RNF115: variants seen among roughly 807,000 people sequenced by gnomAD.
The protein encoded by RNF115 is E3 ubiquitin-protein ligase RNF115.
A neutral mutation model predicts 39.2 loss-of-function variants in RNF115; 31 were observed. The ratio of observed to expected loss-of-function variants is 0.79; its 90% CI spans 0.59 to 1.07. The LOEUF (loss-of-function observed/expected upper bound fraction) is 1.07. RNF115 is among the 50% of genes least tolerant of loss of function. RNF115 has a pLI of 0.00. For missense variants in RNF115, 384 were observed against 381.7 expected, an observed-to-expected ratio of 1.01 and a Z score of -0.05; for synonymous variants, 124 against 131.0, an observed-to-expected ratio of 0.95 and a Z score of 0.37.
intron 4 of RNF115, among the ~76,000 whole-genome samples, chr1:145,766,969 G>A (rs28404541): frequency 7.2e-6 from 1 of 138,374 alleles, no homozygotes; most frequent in Non-Finnish European, 1.5e-5. Flanking sequence ...CCTCCCGGTC[G>A]GGGTGGCTGG....
intron 4 of RNF115, among the ~76,000 whole-genome samples, chr1:145,756,831 CTTTTTTTTTTT>C (rs142073195): frequency 1.5e-5 from 1 of 67,872 alleles, no homozygotes; most frequent in Non-Finnish European, 2.6e-5. Context: ...TTTCTAGCTT[CTTTTTTTTTTT>C]TTTTTTTTTT....
At chr1:145,756,539 G>C (rs954015283) in intron 4 of RNF115, among the ~76,000 whole-genome samples, 4 of 151,736 alleles carry the variant, frequency 2.6e-5, no homozygotes, top group Admixed American at 2.6e-4. Flanking sequence ...ATCGGACTAA[G>C]AAGCTTAAGG....
At chr1:145,819,783 A>G (rs1570702862) in intron 1 of RNF115, among the ~76,000 whole-genome samples, 2 of 152,240 alleles carry the variant, frequency 1.3e-5, no homozygotes, top group Non-Finnish European at 2.9e-5. Flanking sequence ...CACACCTGTA[A>G]TCTCAGCACT....
chr1:145,768,108 T>C (rs1443365764), intron 4 of RNF115, among the ~76,000 whole-genome samples: 1 of 152,206 alleles, frequency 6.6e-6, no homozygotes, highest in Non-Finnish European at 1.5e-5. Flanking sequence ...TGAGTGAAGG[T>C]CAGAGCCTAG....
Position 145,742,647 on chromosome 1 carries a change from T to C in RNF115, c.*4219A>G, listed in dbSNP as rs1481944123. The C allele has an allele frequency of 3.3e-5, 5 of 152,238 alleles. No individual in the cohort carries two copies. The highest frequency in any genetic ancestry group is 1.2e-4 in the African/African-American group (5 of 41,456). 9.4% of individuals were successfully genotyped at this position (152,238 alleles called of 1,614,324 possible). ...GCACACCATATCCCTTCTTCCTCCA[T>C]TGTGAAATGTGCATACACGTGTTTG... On this transcript the variant is annotated 3_prime_UTR_variant, in exon 9 of 9. Transcript: ENST00000582693.
At chr1:145,786,069 C>T (rs1648366470) in intron 2 of RNF115, among the ~76,000 whole-genome samples, 1 of 152,174 alleles carries the variant, frequency 6.6e-6, no homozygotes. Context: ...ATTGAAACCG[C>T]AACTCTTATT....
At chr1:145,747,553 G>C (rs4970866) in intron 8 of RNF115, among the ~76,000 whole-genome samples, 73,285 of 151,972 alleles carry the variant, frequency 0.48, 18,297 homozygotes, top group East Asian at 0.7. Flanking sequence ...TGAGACACAA[G>C]AATCACTTGA....
rs1553711304 is a variant in RNF115, at chr1:145,744,058, T to C, written c.*2808A>G. On this transcript the variant is annotated 3_prime_UTR_variant, in exon 9 of 9. Coordinates refer to ENST00000582693, the MANE Select transcript of RNF115 (RefSeq NM_014455.4). Reference sequence around the variant, plus strand: ...CTGTGTATAAAAAGGCAGACCCCTATCCAGTACTTTGTTTCCACCCTTTTT... The same window carrying C: ...CTGTGTATAAAAAGGCAGACCCCTACCCAGTACTTTGTTTCCACCCTTTTT... The C allele has an allele frequency of 6.6e-6, 1 of 152,560 alleles. No individual in the cohort carries two copies. Among genetic ancestry groups the C allele is most frequent in the African/African-American group, 2.4e-5 (1 of 41,520 alleles). The allele number at this position is 152,560 out of a possible 1,614,324, so 9.5% of individuals were successfully genotyped here.
rs1287112872 is a variant in RNF115 at position 145,751,612 on chromosome 1, G to A, written c.501-102C>T. ...AGGGATCCTGTTCTCTCTCAGAGCT[G>A]GAAAGTCACTAGTCCTCCAGGATCA... On this transcript the variant is annotated intron_variant, in intron 5 of 8. Coordinates refer to ENST00000582693, the MANE Select transcript of RNF115 (RefSeq NM_014455.4). 9.1e-6 allele frequency: 6 copies of A among 660,696 alleles called. No individual in the cohort carries two copies. In the East Asian group the frequency reaches 1.5e-4, roughly 16 times the overall value. 40.9% of individuals were successfully genotyped at this position (660,696 alleles called of 1,614,324 possible).
At chr1:145,769,066 A>C (rs943280584) in intron 4 of RNF115, among the ~76,000 whole-genome samples, 5 of 152,204 alleles carry the variant, frequency 3.3e-5, no homozygotes, top group Admixed American at 2.6e-4. Flanking sequence ...ATAAGTGAGA[A>C]GGCTACTTAA....
intron 6 of RNF115, among the ~76,000 whole-genome samples, chr1:145,750,822 G>A (rs952795023): frequency 6.6e-6 from 1 of 152,142 alleles, no homozygotes; most frequent in Non-Finnish European, 1.5e-5. Flanking sequence ...AAAGTAAAAT[G>A]TAACTGGTCC....
At chr1:145,767,418 G>A (rs1490896499) in intron 4 of RNF115, among the ~76,000 whole-genome samples, 7 of 151,218 alleles carry the variant, frequency 4.6e-5, no homozygotes, top group African/African-American at 7.3e-5. Context: ...GATGATGGGC[G>A]GCCGGGCAGA....
intron 1 of RNF115, among the ~76,000 whole-genome samples, chr1:145,793,553 C>G (rs1158740056): frequency 6.6e-6 from 1 of 152,094 alleles, no homozygotes; most frequent in Non-Finnish European, 1.5e-5. Context: ...AAATGTGTAT[C>G]TCTATCCCAG....
At chr1:145,755,290 C>T (rs1312673222) in intron 4 of RNF115, among the ~76,000 whole-genome samples, 1 of 151,584 alleles carries the variant, frequency 6.6e-6, no homozygotes, top group Non-Finnish European at 1.5e-5. Context: ...GTACTTCTGT[C>T]GGATCAATCA....
Position 145,748,104 on chromosome 1 carries a change from C to T in RNF115, c.674G>A (p.Gly225Asp). ...TTCTTTGCATACTGGACACTCTAAA[C>T]CCATATCTGTTGAAGAAGGAAATGC... ...VTVTQEQVDMGLECPVCKEDY... is the reference protein window; with the variant it reads ...VTVTQEQVDMDLECPVCKEDY... The change falls in exon 8 of 9, where the codon GGT (glycine) becomes GAT (aspartate). Residue 225 changes from glycine to aspartate, a missense_variant. Transcript: ENST00000582693. 1.2e-6 allele frequency: 2 copies of T among 1,609,546 alleles called. No homozygotes were observed. The highest frequency in any genetic ancestry group is 1.7e-6 in the Non-Finnish European group (2 of 1,176,092).
intron 1 of RNF115, among the ~76,000 whole-genome samples, chr1:145,819,629 A>G (rs1346934790): frequency 6.6e-6 from 1 of 152,298 alleles, no homozygotes; most frequent in East Asian, 1.9e-4. Flanking sequence ...GCATTCTGAT[A>G]CCAAAACCTG....
chr1:145,785,471 G>A (rs587648273), intron 2 of RNF115, among the ~76,000 whole-genome samples: 4 of 152,264 alleles, frequency 2.6e-5, no homozygotes, highest in African/African-American at 4.8e-5. Flanking sequence ...GAAGAGTGGA[G>A]AGAAATATTA....
At chr1:145,789,474 C>T (rs1044296583) in intron 1 of RNF115, among the ~76,000 whole-genome samples, 2 of 151,508 alleles carry the variant, frequency 1.3e-5, no homozygotes, top group Admixed American at 6.6e-5. Flanking sequence ...TCTCGGCTCA[C>T]GGCAACCTCC....
chr1:145,763,781 C>A (rs1315916154), intron 4 of RNF115, among the ~76,000 whole-genome samples: 1 of 152,140 alleles, frequency 6.6e-6, no homozygotes, highest in Admixed American at 6.5e-5. Flanking sequence ...GGGTGGTAAT[C>A]TCTATTACTT....
Sources: allele counts gnomAD v4.1 joint callset (sites outside exome capture counted in the v4.1 genomes callset), GRCh38; gene constraint gnomAD v4.1.1; transcripts MANE v1.5; gene names NCBI Gene and HGNC (gene_info 2026-07-23, HGNC 2026-07-21).